CDH4: variants seen among roughly 807,000 people sequenced by gnomAD.
CDH4 encodes cadherin-4.
CDH4 carries 33 observed loss-of-function variants against 86.0 expected under a neutral mutation model. The ratio of observed to expected loss-of-function variants is 0.38; its 90% CI spans 0.29 to 0.51. The LOEUF (loss-of-function observed/expected upper bound fraction) is 0.51, where lower values mean the gene tolerates loss of function less well. Ranked by LOEUF, CDH4 falls within the 20% of genes least tolerant of loss-of-function variation. CDH4 has a pLI of 0.86. For missense variants in CDH4, 1,114 were observed against 1,307.4 expected, an observed-to-expected ratio of 0.85 and a Z score of 2.28; for synonymous variants, 555 against 549.4, an observed-to-expected ratio of 1.01 and a Z score of -0.14.
At chr20:61,671,526 T>A (rs1355439036) in intron 2 of CDH4, among the ~76,000 whole-genome samples, 1 of 151,888 alleles carries the variant, frequency 6.6e-6, no homozygotes, top group Non-Finnish European at 1.5e-5. Context: ...GATGGATAGA[T>A]GGACAAATGG....
intron 2 of CDH4, among the ~76,000 whole-genome samples, chr20:61,646,331 G>A (rs1303668178): frequency 5.9e-5 from 9 of 152,228 alleles, no homozygotes; most frequent in South Asian, 4.1e-4. Flanking sequence ...TATTCAGCCC[G>A]CACCTGCTCA....
At chr20:61,321,129 G>A (rs573994362) in intron 2 of CDH4, among the ~76,000 whole-genome samples, 8 of 152,312 alleles carry the variant, frequency 5.3e-5, no homozygotes, top group South Asian at 4.1e-4. Context: ...TTTCCACCTC[G>A]AGAGCGCATG....
intron 2 of CDH4, among the ~76,000 whole-genome samples, chr20:61,390,809 G>A (rs1600932326): frequency 6.6e-6 from 1 of 151,552 alleles, no homozygotes; most frequent in Non-Finnish European, 1.5e-5. Context: ...GGTGCCCATA[G>A]TGCGGTGTCT....
chr20:61,513,303 A>G (rs1012583456), intron 2 of CDH4, among the ~76,000 whole-genome samples: 2 of 152,172 alleles, frequency 1.3e-5, no homozygotes, highest in Non-Finnish European at 2.9e-5. Flanking sequence ...GAAAGGGAAC[A>G]TCCACGGTCT....
chr20:61,361,667 G>A (rs1349580476), intron 2 of CDH4, among the ~76,000 whole-genome samples: 5 of 152,166 alleles, frequency 3.3e-5, no homozygotes, highest in African/African-American at 9.7e-5. Context: ...AGCAGGTGAC[G>A]GACCCAACCC....
At position 61,254,855 on chromosome 20, in the gene CDH4, G is replaced by T. The variant is rs1181802879; in HGVS notation, c.87G>T (p.Glu29Asp). 1.6e-5 allele frequency: 25 copies of T among 1,611,316 alleles called. No homozygotes were observed. Among genetic ancestry groups the T allele is most frequent in the Non-Finnish European group, 2.0e-5 (24 of 1,177,516 alleles). The change falls in exon 2 of 16, where the codon GAG becomes GAT. Residue 29 changes from glutamate to aspartate, a missense_variant. This residue lies in a region of CDH4 where 221 missense variants were observed against 209.5 expected (regional missense o/e 1.05). Coordinates refer to ENST00000614565, the MANE Select transcript of CDH4 (RefSeq NM_001794.5). ...ATAATGAGGATCTTACAACTAGAGAGACCTGCAAGGCTGGGTTCTCTGAAG... is the reference window on the plus strand; with the variant it reads ...ATAATGAGGATCTTACAACTAGAGATACCTGCAAGGCTGGGTTCTCTGAAG... ...RAHNEDLTTR[E>D]TCKAGFSEDD...
chr20:61,737,024 C>T (rs1382112825), intron 2 of CDH4, among the ~76,000 whole-genome samples: 2 of 152,278 alleles, frequency 1.3e-5, no homozygotes, highest in East Asian at 3.9e-4. Flanking sequence ...TGGGACGAGT[C>T]CCAGGCTGTT....
At chr20:61,493,487 G>A (rs370461887) in intron 2 of CDH4, among the ~76,000 whole-genome samples, 7 of 152,198 alleles carry the variant, frequency 4.6e-5, no homozygotes, top group African/African-American at 1.2e-4. Context: ...GTGCTGATGC[G>A]CTGCCTTAGG....
At chr20:61,332,968 A>G (rs1368434068) in intron 2 of CDH4, among the ~76,000 whole-genome samples, 1 of 152,194 alleles carries the variant, frequency 6.6e-6, no homozygotes, top group Non-Finnish European at 1.5e-5. Flanking sequence ...CATTATCCTA[A>G]AACAAAGCTT....
intron 2 of CDH4, among the ~76,000 whole-genome samples, chr20:61,382,337 G>T (rs1455848474): frequency 6.6e-6 from 1 of 152,180 alleles, no homozygotes; most frequent in Admixed American, 6.5e-5. Flanking sequence ...TCTTCATCAG[G>T]ATGAAGAGCA....
At position 61,432,833 on chromosome 20, in the gene CDH4, A is replaced by ATTTTT. The variant is rs36067606; in HGVS notation, c.169+177914_169+177918dup. On this transcript the variant is annotated intron_variant, in intron 2 of 15. Transcript: ENST00000614565. ...TTCTAGTTCTACATTTAAATCCATG[A>ATTTTT]TTTTTTTTTTTTTTTTTTTTTTGGA... Among the ~76,000 whole-genome samples the ATTTTT allele has an allele frequency of 3.6e-3, 364 of 101,676 alleles. 1 individual carries two copies. Among genetic ancestry groups the ATTTTT allele is most frequent in the Non-Finnish European group, 6.1e-3 (308 of 50,838 alleles). 66.7% of individuals were successfully genotyped at this position (101,676 alleles called of 152,430 possible). A position where few individuals can be genotyped will look rare whatever the true frequency, so the allele number is the denominator to read the frequency against.
intron 2 of CDH4, among the ~76,000 whole-genome samples, chr20:61,321,044 T>C (rs2084505442): frequency 6.6e-6 from 1 of 151,974 alleles, no homozygotes; most frequent in Non-Finnish European, 1.5e-5. Flanking sequence ...TTCCCCAGGG[T>C]CCCCTGACAC....
chr20:61,756,161 AC>A (rs2088562522), intron 3 of CDH4, among the ~76,000 whole-genome samples: 1 of 152,256 alleles, frequency 6.6e-6, no homozygotes, highest in Non-Finnish European at 1.5e-5. Flanking sequence ...GTTAGCGTGA[AC>A]GCACCCCCTG....
chr20:61,498,702 G>A (rs1026097225), intron 2 of CDH4, among the ~76,000 whole-genome samples: 1 of 152,212 alleles, frequency 6.6e-6, no homozygotes, highest in African/African-American at 2.4e-5. Flanking sequence ...CACATTGGAA[G>A]AGGAATTGTC....
intron 2 of CDH4, among the ~76,000 whole-genome samples, chr20:61,595,154 G>A (rs1400366075): frequency 1.3e-5 from 2 of 152,312 alleles, no homozygotes; most frequent in African/African-American, 2.4e-5. Context: ...GGGTCCACCT[G>A]AGCACAAAAC....
intron 2 of CDH4, among the ~76,000 whole-genome samples, chr20:61,645,369 A>G (rs145242142): frequency 0.021 from 3,237 of 152,302 alleles, 121 homozygotes; most frequent in African/African-American, 0.073. Flanking sequence ...GCTCACACCT[A>G]TAATCCCAGC....
At chr20:61,710,585 C>A (rs1328050369) in intron 2 of CDH4, among the ~76,000 whole-genome samples, 1 of 152,222 alleles carries the variant, frequency 6.6e-6, no homozygotes, top group Non-Finnish European at 1.5e-5. Context: ...TCCACAGCCC[C>A]TGCCTCTGGG....
intron 2 of CDH4, among the ~76,000 whole-genome samples, chr20:61,346,542 A>G (rs2084680345): frequency 6.6e-6 from 1 of 152,074 alleles, no homozygotes; most frequent in African/African-American, 2.4e-5. Flanking sequence ...CCAGGAGTTC[A>G]ACACTAGCCT....
At chr20:61,719,414 A>G (rs763648952) in intron 2 of CDH4, 4 of 260,780 alleles carry the variant, frequency 1.5e-5, no homozygotes, top group East Asian at 9.3e-5. Context: ...GTGCAAAAAC[A>G]TTAGCAATAT....
Sources: gnomAD v4.1 joint callset for allele counts (sites outside exome capture counted in the v4.1 genomes callset) on GRCh38, gnomAD v4.1.1 for gene constraint, gnomAD v4.1.1 regional missense constraint, MANE v1.5 for transcripts, NCBI Gene and HGNC (gene_info 2026-07-23, HGNC 2026-07-21) for gene names.